CFAP251: variants seen among roughly 807,000 people sequenced by gnomAD.
CFAP251 encodes the protein cilia and flagella associated protein 251, also known as cilia- and flagella-associated protein 251.
In CFAP251, 93 loss-of-function variants were observed where a neutral mutation model predicts 126.7. The ratio of observed to expected loss-of-function variants is 0.73; its 90% confidence interval spans 0.62 to 0.87. The LOEUF (loss-of-function observed/expected upper bound fraction) is 0.87. CFAP251 is among the 40% of genes least tolerant of loss of function. The pLI, the probability that CFAP251 is intolerant of heterozygous loss-of-function variation, is 0.00. For synonymous variants in CFAP251, 503 were observed against 506.9 expected (o/e 0.99, Z 0.10); for missense variants, 1,287 against 1,389.2 (o/e 0.93, Z 1.17).
intron 9 of CFAP251, among the ~76,000 whole-genome samples, chr12:121,952,240 TAAAAAAAAAAAA>T (rs558861973): frequency 0.36 from 33,350 of 92,378 alleles, 5,762 homozygotes; most frequent in East Asian, 0.68. Context: ...TCGTTTCTAC[TAAAAAAAAAAAA>T]AAAAAAAAAA....
In CFAP251 at chr12:121,958,947, C is replaced by G; in HGVS notation, c.1986C>G (p.Ala662=). The change falls in exon 13 of 22, where the codon GCC becomes GCG. Residue 662 remains alanine, a synonymous_variant. Coordinates refer to ENST00000288912, the MANE Select transcript of CFAP251 (RefSeq NM_144668.6). ...VQSLTYNPEG[A]LLGAGFTEGT... ...TTCTCTGGCTTGTCATTTCAGGAGCCCTTCTTGGAGCTGGCTTTACAGAGG... is the reference window on the plus strand; with the variant it reads ...TTCTCTGGCTTGTCATTTCAGGAGCGCTTCTTGGAGCTGGCTTTACAGAGG... 6.3e-7 allele frequency: 1 copy of G among 1,582,312 alleles called. No individual in the cohort carries two copies. The highest frequency in any genetic ancestry group is 8.5e-7 in the Non-Finnish European group (1 of 1,170,316).
chr12:121,992,343 G>A (rs1456320354), intron 19 of CFAP251: 6 of 985,260 alleles, frequency 6.1e-6, no homozygotes, highest in Admixed American at 6.1e-5. Context: ...TGCCAACTCC[G>A]TGCTTGTTGA....
chr12:121,986,956 C>T (rs909177895), intron 19 of CFAP251, among the ~76,000 whole-genome samples: 7 of 152,018 alleles, frequency 4.6e-5, no homozygotes, highest in Non-Finnish European at 8.8e-5. Context: ...GTATTCAGAA[C>T]AAAAACGAGA....
At chr12:121,961,495 G>T (rs893568826) in intron 14 of CFAP251, among the ~76,000 whole-genome samples, 1 of 152,178 alleles carries the variant, frequency 6.6e-6, no homozygotes, top group Non-Finnish European at 1.5e-5. Context: ...TGACTGCCAA[G>T]TGTTGGGCTG....
intron 18 of CFAP251, 92 bp downstream of exon 18, chr12:121,975,426 C>A: frequency 6.4e-7 from 1 of 1,566,114 alleles, no homozygotes; most frequent in Non-Finnish European, 8.8e-7. Context: ...TATTCCAAAG[C>A]TTTGTTCCCC....
chr12:121,971,984 T>G (rs1882343178), intron 17 of CFAP251: 1 of 249,986 alleles, frequency 4.0e-6, no homozygotes, highest in Admixed American at 4.9e-5. Flanking sequence ...CACTGCCATG[T>G]GAGACGTGCC....
chr12:121,982,797 C>G (rs1219051542), intron 19 of CFAP251, among the ~76,000 whole-genome samples: 1 of 152,120 alleles, frequency 6.6e-6, no homozygotes, highest in Admixed American at 6.6e-5. Context: ...CAGAGCAACC[C>G]GCTTGTCTCT....
chr12:121,961,933 A>C lies in CFAP251; in HGVS notation c.2308-45A>C, dbSNP rs751282270. The C allele has an allele frequency of 5.7e-6, 9 of 1,578,644 alleles. No individual in the cohort carries two copies. In the South Asian group the frequency reaches 1.1e-4, roughly 18 times the overall value. ...CTTGGGGTTCCTTAGCTGAGCCTTT[A>C]ATTTGGCTTGGTCCTCATGTGTGTC... On this transcript the variant is annotated intron_variant, in intron 14 of 21. Transcript: ENST00000288912.
chr12:121,955,258 C>T (rs1313314577), intron 10 of CFAP251, among the ~76,000 whole-genome samples: 3 of 152,138 alleles, frequency 2.0e-5, no homozygotes, highest in Non-Finnish European at 2.9e-5. Context: ...CTCACCACTG[C>T]ACTCCAGTCT....
At chr12:121,951,339 A>T in intron 8 of CFAP251, 141 bp from the exon 9 acceptor site, 1 of 477,964 alleles carries the variant, frequency 2.1e-6, no homozygotes. Context: ...GATATTTCCC[A>T]AGACAGCAAG....
rs1421905760 is a variant in CFAP251, at chr12:121,975,284, A to AC, written c.2816dup (p.Phe940IlefsTer61). On this transcript the variant is annotated frameshift_variant, in exon 18 of 22. Transcript: ENST00000288912. LOFTEE classifies it high-confidence loss of function. ...GGTTTCTCTTGGGGGTGAAGACTTG[A>AC]CCCCATTCTATGGTCTGCTGTCTGG... 1 of 1,613,834 alleles carries AC rather than the reference A, an allele frequency of 6.2e-7. No individual in the cohort carries two copies. Among genetic ancestry groups the AC allele is most frequent in the South Asian group, 1.1e-5 (1 of 91,044 alleles).
At chr12:121,978,004 A>AT (rs1389199195) in intron 19 of CFAP251, among the ~76,000 whole-genome samples, 4 of 151,644 alleles carry the variant, frequency 2.6e-5, no homozygotes, top group Non-Finnish European at 5.9e-5. Context: ...ATAAAATAAA[A>AT]ACAAACAAAA....
chr12:121,934,947 C>T (rs776087867), intron 5 of CFAP251, among the ~76,000 whole-genome samples: 1 of 152,178 alleles, frequency 6.6e-6, no homozygotes, highest in Non-Finnish European at 1.5e-5. Flanking sequence ...GCTGGGACCA[C>T]AGGCGCATGC....
intron 5 of CFAP251, among the ~76,000 whole-genome samples, chr12:121,939,952 T>C (rs969181445): frequency 4.6e-5 from 7 of 152,340 alleles, no homozygotes; most frequent in Non-Finnish European, 1.0e-4. Flanking sequence ...TTAGTTTCTT[T>C]ACGTTTTTTA....
intron 9 of CFAP251, chr12:121,953,797 G>A (rs754519136): frequency 4.0e-6 from 1 of 249,210 alleles, no homozygotes; most frequent in African/African-American, 2.3e-5. Context: ...CTCACAACAG[G>A]CATTAGTTTC....
intron 13 of CFAP251, 97 bp downstream of exon 13, chr12:121,959,191 AT>A: frequency 1.6e-6 from 2 of 1,273,582 alleles, no homozygotes; most frequent in Non-Finnish European, 2.1e-6. Flanking sequence ...AATCCCAATG[AT>A]TTGGGAGGCC....
At chr12:121,945,399 G>A (rs769274240) in intron 7 of CFAP251, among the ~76,000 whole-genome samples, 25 of 149,484 alleles carry the variant, frequency 1.7e-4, no homozygotes, top group East Asian at 4.0e-4. Flanking sequence ...GCTGGAGTGC[G>A]GTGGCACGAT....
intron 17 of CFAP251, chr12:121,968,905 A>G (rs1302488434): frequency 3.0e-6 from 3 of 985,338 alleles, no homozygotes; most frequent in South Asian, 4.7e-5. Flanking sequence ...TTATGAGCTC[A>G]GAATCTTCCC....
At chr12:121,952,231 C>T (rs567272146) in intron 9 of CFAP251, among the ~76,000 whole-genome samples, 126 of 111,306 alleles carry the variant, frequency 1.1e-3, no homozygotes, top group African/African-American at 4.7e-3. Flanking sequence ...GGCTAGACTT[C>T]GTTTCTACTA....
Sources: gnomAD v4.1 joint callset for allele counts (sites outside exome capture counted in the v4.1 genomes callset) on GRCh38, gnomAD v4.1.1 for gene constraint, MANE v1.5 for transcripts, NCBI Gene and HGNC (gene_info 2026-07-23, HGNC 2026-07-21) for gene names.